The following SNX9 variants were observed in gnomAD, a reference collection of about 807,000 sequenced individuals.
The protein encoded by SNX9 is sorting nexin 9.
In SNX9, 44 loss-of-function variants were observed where a neutral mutation model predicts 89.4. The observed-to-expected ratio is 0.49, with a 90% CI of 0.39 to 0.63. The LOEUF (loss-of-function observed/expected upper bound fraction) is 0.63, where lower values mean the gene tolerates loss of function less well. Ranked by LOEUF, SNX9 falls within the 30% of genes least tolerant of loss-of-function variation. The probability of loss-of-function intolerance (pLI) is 0.00; values close to 1 mark genes in which losing one functional copy is unlikely to be tolerated. For synonymous variants in SNX9, 236 were observed against 247.8 expected (o/e 0.95, Z 0.45); for missense variants, 578 against 736.1 (o/e 0.79, Z 2.49).
chr6:157,932,408 G>T, intron 13 of SNX9, 136 bp downstream of exon 13: 1 of 711,960 alleles, frequency 1.4e-6, no homozygotes, highest in Non-Finnish European at 2.4e-6. Flanking sequence ...CTAGGCTGCC[G>T]CACTAAGGAC....
chr6:157,891,309 G>T (rs189902468), intron 4 of SNX9, among the ~76,000 whole-genome samples: 30 of 152,156 alleles, frequency 2.0e-4, no homozygotes, highest in Non-Finnish European at 2.9e-4. Context: ...GATTACAAGT[G>T]TGAACCGCTG....
At chr6:157,863,320 C>T (rs1782186275) in intron 1 of SNX9, among the ~76,000 whole-genome samples, 1 of 152,200 alleles carries the variant, frequency 6.6e-6, no homozygotes, top group African/African-American at 2.4e-5. Context: ...TGTGCTTGCA[C>T]ACTTGGTATT....
At chr6:157,871,251 C>T (rs963808770) in intron 2 of SNX9, among the ~76,000 whole-genome samples, 1 of 151,924 alleles carries the variant, frequency 6.6e-6, no homozygotes, top group Non-Finnish European at 1.5e-5. Flanking sequence ...TGTGGTAGTG[C>T]GTGCCTGTAA....
chr6:157,888,809 G>A (rs1782791635), intron 4 of SNX9, among the ~76,000 whole-genome samples: 1 of 152,158 alleles, frequency 6.6e-6, no homozygotes, highest in African/African-American at 2.4e-5. Flanking sequence ...GGAATATGTA[G>A]GAACTGGGAA....
At chr6:157,916,779 C>T (rs773420270) in intron 9 of SNX9, among the ~76,000 whole-genome samples, 23 of 152,146 alleles carry the variant, frequency 1.5e-4, no homozygotes, top group African/African-American at 3.1e-4. Context: ...AAACCTCACT[C>T]GATGGTGATA....
intron 16 of SNX9, 96 bp downstream of exon 16, chr6:157,938,843 TTAAG>T (rs745536698): frequency 2.4e-4 from 199 of 828,518 alleles, no homozygotes; most frequent in Non-Finnish European, 3.5e-4. Flanking sequence ...TGAGCAGCAG[TTAAG>T]TAAGTGAGAC....
intron 1 of SNX9, among the ~76,000 whole-genome samples, chr6:157,828,367 T>G (rs1781420742): frequency 1.3e-5 from 2 of 152,240 alleles, no homozygotes; most frequent in South Asian, 4.1e-4. Context: ...AATTATAGTT[T>G]TACTTTAATT....
At chr6:157,871,822 G>A (rs1370079464) in intron 2 of SNX9, among the ~76,000 whole-genome samples, 1 of 146,212 alleles carries the variant, frequency 6.8e-6, no homozygotes, top group Non-Finnish European at 1.5e-5. Context: ...TGTCACCCAG[G>A]CTGGAGTGAG....
At chr6:157,879,094 G>A (rs1054833532) in intron 4 of SNX9, among the ~76,000 whole-genome samples, 6 of 152,198 alleles carry the variant, frequency 3.9e-5, no homozygotes, top group East Asian at 1.9e-4. Flanking sequence ...GAAGCTTTTC[G>A]GGGCTGGTTC....
chr6:157,923,701 T>A (rs1783630455), intron 10 of SNX9, among the ~76,000 whole-genome samples: 1 of 152,168 alleles, frequency 6.6e-6, no homozygotes, highest in Non-Finnish European at 1.5e-5. Context: ...CAGAACTCAT[T>A]GTGAAGCTAA....
chr6:157,902,077 C>T, intron 6 of SNX9, 32 bp downstream of exon 6: 1 of 1,606,970 alleles, frequency 6.2e-7, no homozygotes, highest in Non-Finnish European at 8.5e-7. Flanking sequence ...GGAACCAGGG[C>T]CGTGGTAGAA....
intron 1 of SNX9, among the ~76,000 whole-genome samples, chr6:157,832,675 A>T (rs961924154): frequency 2.0e-5 from 3 of 152,228 alleles, no homozygotes; most frequent in African/African-American, 7.2e-5. Flanking sequence ...CAGCAGGAAG[A>T]AGTGCCGAGC....
intron 1 of SNX9, among the ~76,000 whole-genome samples, chr6:157,831,875 A>G (rs1218967502): frequency 5.3e-5 from 8 of 152,232 alleles, no homozygotes; most frequent in African/African-American, 1.7e-4. Flanking sequence ...TCTTTATAGC[A>G]GACTGTCAAG....
intron 4 of SNX9, among the ~76,000 whole-genome samples, chr6:157,889,156 C>G (rs538538888): frequency 6.6e-6 from 1 of 152,050 alleles, no homozygotes; most frequent in Non-Finnish European, 1.5e-5. Context: ...AGACATCAGG[C>G]GCAGTGGCTC....
rs143666502 is a variant in SNX9 at position 157,846,682 on chromosome 6, A to G, written c.13-20865A>G. Among the ~76,000 whole-genome samples the G allele has an allele frequency of 1.9e-4, 29 of 152,340 alleles. 1 individual carries two copies. The East Asian group carries it at 4.2e-3, about 22-fold the overall frequency. ...TCATGTGTGAAAGCTGAGAGCTGGG[A>G]AATAAGTATTCAGTGTCTTTCACCT... On this transcript the variant is annotated intron_variant, in intron 1 of 17. Transcript: ENST00000392185.
chr6:157,915,640 A>AAAAATATATATATATATATAT (rs1472422303), intron 9 of SNX9, among the ~76,000 whole-genome samples: 3 of 95,132 alleles, frequency 3.2e-5, no homozygotes, highest in African/African-American at 1.4e-4. Context: ...AAAAAAAAAA[A>AAAAATATATATATATATATAT]ATATATATAT....
chr6:157,941,030 AC>A, intron 17 of SNX9, 56 bp downstream of exon 17: 1 of 1,385,716 alleles, frequency 7.2e-7, no homozygotes, highest in Non-Finnish European at 1.0e-6. Flanking sequence ...TTCCTGGTAA[AC>A]CACTTTGACC....
chr6:157,918,691 T>A (rs1033331276), intron 9 of SNX9, among the ~76,000 whole-genome samples: 2 of 152,178 alleles, frequency 1.3e-5, no homozygotes, highest in African/African-American at 4.8e-5. Flanking sequence ...CTTTTCTTTG[T>A]GTTAAATATT....
chr6:157,873,701 A>C (rs1201427406), intron 3 of SNX9, among the ~76,000 whole-genome samples: 1 of 151,670 alleles, frequency 6.6e-6, no homozygotes, highest in South Asian at 2.1e-4. Flanking sequence ...GCTGCCATCT[A>C]TAATATTGTT....
Sources: allele counts gnomAD v4.1 joint callset (sites outside exome capture counted in the v4.1 genomes callset), GRCh38; gene constraint gnomAD v4.1.1; transcripts MANE v1.5; gene names NCBI Gene and HGNC (gene_info 2026-07-23, HGNC 2026-07-21).